Variants in GRID2 observed in about 807,000 individuals in gnomAD.
GRID2 encodes the protein glutamate receptor ionotropic, delta-2.
Under a neutral mutation model 114.8 loss-of-function variants are expected in GRID2, and 33 were observed. The observed-to-expected ratio is 0.29, with a 90% CI of 0.22 to 0.38. The LOEUF (loss-of-function observed/expected upper bound fraction) is 0.38, where lower values mean the gene tolerates loss of function less well. Ranked by LOEUF, GRID2 falls within the 10% of genes least tolerant of loss-of-function variation. GRID2 has a pLI of 1.00. For missense variants in GRID2, 1,184 were observed against 1,257.7 expected (o/e 0.94, Z 0.89); for synonymous variants, 505 against 449.9 (o/e 1.12, Z -1.55).
Position 93,711,241 on chromosome 4 carries a change from G to C in GRID2, c.2361-57969G>C, listed in dbSNP as rs1286140172. Among the ~76,000 whole-genome samples, 14 of 152,166 alleles carry C rather than the reference G, an allele frequency of 9.2e-5. 1 individual carries two copies. The highest frequency in any genetic ancestry group is 1.5e-5 in the Non-Finnish European group (1 of 68,028). On this transcript the variant is annotated intron_variant, in intron 14 of 15. Coordinates refer to ENST00000282020, the MANE Select transcript of GRID2 (RefSeq NM_001510.4). ...CAACACCTGTGCCAAGTACTGCCTG[G>C]CTACTGCTGATGTTTATTCAAAGTC... is the stretch of plus-strand genomic sequence containing the variant.
intron 8 of GRID2, among the ~76,000 whole-genome samples, chr4:93,339,156 C>T (rs936115244): frequency 1.3e-5 from 2 of 152,164 alleles, no homozygotes; most frequent in African/African-American, 4.8e-5. Flanking sequence ...TAATGCCAAC[C>T]TGATTCTTAT....
intron 1 of GRID2, among the ~76,000 whole-genome samples, chr4:92,580,151 CT>C (rs1039000039): frequency 6.0e-5 from 9 of 150,860 alleles, no homozygotes; most frequent in Non-Finnish European, 1.3e-4. Flanking sequence ...CTCATGTCTC[CT>C]TTACAGTTGT....
At chr4:93,099,436 G>T (rs946662587) in intron 3 of GRID2, among the ~76,000 whole-genome samples, 1 of 151,784 alleles carries the variant, frequency 6.6e-6, no homozygotes, top group Non-Finnish European at 1.5e-5. Flanking sequence ...CTGCAACAAG[G>T]TTGGTGGTAA....
At chr4:92,417,116 G>A (rs1040242529) in intron 1 of GRID2, among the ~76,000 whole-genome samples, 2 of 151,860 alleles carry the variant, frequency 1.3e-5, no homozygotes, top group Admixed American at 1.3e-4. Context: ...CTCAAAGAAG[G>A]TGCAAAAATA....
At chr4:93,510,465 T>TA (rs955384284) in intron 12 of GRID2, among the ~76,000 whole-genome samples, 7 of 152,136 alleles carry the variant, frequency 4.6e-5, no homozygotes, top group Admixed American at 6.6e-5. Flanking sequence ...TTAGATTTTT[T>TA]AAAAAAATAG....
At chr4:93,356,919 C>A (rs963326145) in intron 8 of GRID2, among the ~76,000 whole-genome samples, 2 of 151,548 alleles carry the variant, frequency 1.3e-5, no homozygotes, top group African/African-American at 2.4e-5. Context: ...CTTTTTATTT[C>A]TTTTATTTCT....
In GRID2 at chr4:93,232,590, C is replaced by A. The variant is rs180836637; in HGVS notation, c.1126-5781C>A. Among the ~76,000 whole-genome samples, 389 of 150,466 alleles carry A rather than the reference C, an allele frequency of 2.6e-3. 1 individual carries two copies. Among genetic ancestry groups the A allele is most frequent in the African/African-American group, 9.0e-3 (370 of 41,164 alleles). Reference sequence around the variant, plus strand: ...TTGTAATAGATCTTTAAATCAAATTCTTTTGCATTGTCTTAATTGACCAAT... The same window carrying A: ...TTGTAATAGATCTTTAAATCAAATTATTTTGCATTGTCTTAATTGACCAAT... On this transcript the variant is annotated intron_variant, in intron 7 of 15. Transcript: ENST00000282020.
At chr4:92,584,324 G>C (rs1169845488) in intron 1 of GRID2, among the ~76,000 whole-genome samples, 1 of 151,886 alleles carries the variant, frequency 6.6e-6, no homozygotes, top group African/African-American at 2.4e-5. Context: ...CTCTTGACTT[G>C]GATATATGCT....
intron 4 of GRID2, among the ~76,000 whole-genome samples, chr4:93,121,583 C>T (rs1413714254): frequency 6.6e-6 from 1 of 152,016 alleles, no homozygotes; most frequent in Non-Finnish European, 1.5e-5. Context: ...TACAGTTTTG[C>T]TCATTACAGA....
intron 2 of GRID2, among the ~76,000 whole-genome samples, chr4:92,696,014 C>A (rs1579860498): frequency 6.6e-6 from 1 of 152,068 alleles, no homozygotes. Context: ...AATACATATG[C>A]TTCACTAAAT....
At chr4:93,369,583 G>A (rs1206601197) in intron 8 of GRID2, among the ~76,000 whole-genome samples, 1 of 152,120 alleles carries the variant, frequency 6.6e-6, no homozygotes, top group Admixed American at 6.5e-5. Context: ...CACACTCCCA[G>A]TTTCAAGCGA....
chr4:93,425,727 G>A (rs1228431372), intron 10 of GRID2, among the ~76,000 whole-genome samples: 1 of 152,118 alleles, frequency 6.6e-6, no homozygotes, highest in African/African-American at 2.4e-5. Context: ...AACCCTAGCT[G>A]ATTCAAACTC....
At chr4:93,480,250 T>A (rs1408241987) in intron 11 of GRID2, among the ~76,000 whole-genome samples, 2 of 152,062 alleles carry the variant, frequency 1.3e-5, no homozygotes, top group South Asian at 2.1e-4. Flanking sequence ...TGACCATTAC[T>A]ACTGAAAAAT....
chr4:92,750,921 T>C (rs1737424672), intron 2 of GRID2, among the ~76,000 whole-genome samples: 1 of 152,206 alleles, frequency 6.6e-6, no homozygotes, highest in South Asian at 2.1e-4. Context: ...AGCTTCATAT[T>C]GTATCAATCA....
intron 1 of GRID2, among the ~76,000 whole-genome samples, chr4:92,449,710 T>TATATATATATATA (rs1266661271): frequency 1.5e-5 from 2 of 131,720 alleles, no homozygotes; most frequent in African/African-American, 5.8e-5. Context: ...TATATATATA[T>TATATATATATATA]AACACTTAAG....
intron 1 of GRID2, among the ~76,000 whole-genome samples, chr4:92,336,614 T>C (rs566104112): frequency 6.6e-6 from 1 of 152,310 alleles, no homozygotes; most frequent in East Asian, 1.9e-4. Context: ...ATTTTAAAAA[T>C]TAAAAATAAC....
chr4:93,008,783 G>A (rs1229878529), intron 2 of GRID2, among the ~76,000 whole-genome samples: 1 of 152,020 alleles, frequency 6.6e-6, no homozygotes, highest in Non-Finnish European at 1.5e-5. Context: ...GAAGTAAAAA[G>A]CAATATAAAT....
intron 2 of GRID2, among the ~76,000 whole-genome samples, chr4:92,975,114 A>G (rs572352742): frequency 7.6e-4 from 101 of 133,478 alleles, no homozygotes; most frequent in African/African-American, 2.9e-3. Flanking sequence ...CAGAGATCGC[A>G]CCACTGCACT....
chr4:92,665,238 C>T (rs1374499301), intron 2 of GRID2, among the ~76,000 whole-genome samples: 1 of 149,070 alleles, frequency 6.7e-6, no homozygotes, highest in Non-Finnish European at 1.5e-5. Flanking sequence ...ATTTAACATC[C>T]TCAAGTCATA....
Sources: allele counts gnomAD v4.1 joint callset (sites outside exome capture counted in the v4.1 genomes callset), GRCh38; gene constraint gnomAD v4.1.1; transcripts MANE v1.5; gene names NCBI Gene and HGNC (gene_info 2026-07-23, HGNC 2026-07-21).